Variants in ERBB4 observed in about 807,000 individuals in gnomAD.
ERBB4 encodes receptor tyrosine-protein kinase erbB-4.
Under a neutral mutation model 158.0 loss-of-function variants are expected in ERBB4, and 42 were observed. The ratio of observed to expected loss-of-function variants is 0.27; its 90% CI spans 0.21 to 0.34. The LOEUF is 0.34. ERBB4 is among the 10% of genes least tolerant of loss of function. The pLI, the probability that ERBB4 is intolerant of heterozygous loss-of-function variation, is 1.00. For missense variants in ERBB4, 1,333 were observed against 1,624.1 expected (o/e 0.82, Z 3.08); for synonymous variants, 583 against 558.7 (o/e 1.04, Z -0.61).
intron 1 of ERBB4, among the ~76,000 whole-genome samples, chr2:212,531,037 T>C (rs1560569297): frequency 6.6e-6 from 1 of 152,326 alleles, no homozygotes; most frequent in Non-Finnish European, 1.5e-5. Context: ...CAGTAACCCC[T>C]ACAATATTGG....
chr2:212,329,358 TAC>T (rs547303397), intron 1 of ERBB4, among the ~76,000 whole-genome samples: 44 of 152,222 alleles, frequency 2.9e-4, no homozygotes, highest in African/African-American at 1.0e-3. Context: ...TTTTAGCTTT[TAC>T]ACACAGTCAT....
At chr2:211,915,161 T>C (rs899270600) in intron 3 of ERBB4, among the ~76,000 whole-genome samples, 1 of 152,144 alleles carries the variant, frequency 6.6e-6, no homozygotes, top group Non-Finnish European at 1.5e-5. Flanking sequence ...CAAATAGTAA[T>C]AATTCTTTCT....
At chr2:212,163,685 G>T (rs1036528710) in intron 1 of ERBB4, among the ~76,000 whole-genome samples, 1 of 151,842 alleles carries the variant, frequency 6.6e-6, no homozygotes, top group East Asian at 1.9e-4. Context: ...ACCATTAAAA[G>T]CCAGTTATAC....
intron 1 of ERBB4, among the ~76,000 whole-genome samples, chr2:212,463,586 G>C (rs948056547): frequency 6.6e-6 from 1 of 151,706 alleles, no homozygotes; most frequent in East Asian, 1.9e-4. Flanking sequence ...ATTTATACCT[G>C]AAAAGGCTTA....
At chr2:212,281,151 C>T (rs762040260) in intron 1 of ERBB4, among the ~76,000 whole-genome samples, 2 of 151,452 alleles carry the variant, frequency 1.3e-5, no homozygotes, top group African/African-American at 2.4e-5. Flanking sequence ...CTTCTGAAAC[C>T]GTCACAGATC....
At chr2:211,940,824 A>G (rs2080473504) in intron 3 of ERBB4, among the ~76,000 whole-genome samples, 1 of 152,074 alleles carries the variant, frequency 6.6e-6, no homozygotes, top group Non-Finnish European at 1.5e-5. Flanking sequence ...GATTCTTGGT[A>G]CAGCAGGAGG....
chr2:212,436,990 A>G (rs985861353), intron 1 of ERBB4, among the ~76,000 whole-genome samples: 1 of 152,124 alleles, frequency 6.6e-6, no homozygotes, highest in African/African-American at 2.4e-5. Context: ...ATTTTAGTAC[A>G]AGCAAGAGAG....
Position 211,721,443 on chromosome 2 carries a change from C to CAAAAAAAAAAAAAA in ERBB4, c.883+936_883+949dup, listed in dbSNP as rs71054136. On this transcript the variant is annotated intron_variant, in intron 7 of 27. Coordinates refer to ENST00000342788, the MANE Select transcript of ERBB4 (RefSeq NM_005235.3). ...GAAATGTCCCATTGGTTACTCAAAG[C>CAAAAAAAAAAAAAA]AAAAAAAAAAAAAAAAAAAAAATAG... Among the ~76,000 whole-genome samples the CAAAAAAAAAAAAAA allele has an allele frequency of 3.7e-3, 202 of 54,486 alleles. 56 individuals are homozygous for CAAAAAAAAAAAAAA. The highest frequency in any genetic ancestry group is 0.013 in the African/African-American group (132 of 10,534). 35.7% of individuals were successfully genotyped at this position (54,486 alleles called of 152,430 possible).
chr2:211,929,491 C>T (rs754136351), intron 3 of ERBB4, among the ~76,000 whole-genome samples: 16 of 152,048 alleles, frequency 1.1e-4, no homozygotes, highest in Non-Finnish European at 1.9e-4. Context: ...ATGTTCTCCC[C>T]ATGTGATGCC....
At chr2:212,270,975 A>C (rs2085319638) in intron 1 of ERBB4, among the ~76,000 whole-genome samples, 1 of 151,810 alleles carries the variant, frequency 6.6e-6, no homozygotes, top group Non-Finnish European at 1.5e-5. Flanking sequence ...CCAGAGAATG[A>C]GATAAAATTC....
intron 2 of ERBB4, among the ~76,000 whole-genome samples, chr2:212,080,306 C>T (rs745941044): frequency 1.1e-4 from 17 of 148,494 alleles, no homozygotes; most frequent in Non-Finnish European, 2.2e-4. Context: ...AGCCAGACTC[C>T]GTCTCAAAAA....
chr2:211,750,077 T>C (rs2075086130), intron 5 of ERBB4, among the ~76,000 whole-genome samples: 1 of 152,182 alleles, frequency 6.6e-6, no homozygotes, highest in Non-Finnish European at 1.5e-5. Context: ...GCAATGATGA[T>C]AGCTTCATAT....
At chr2:211,606,436 G>A (rs1376303403) in intron 19 of ERBB4, among the ~76,000 whole-genome samples, 1 of 55,234 alleles carries the variant, frequency 1.8e-5, no homozygotes, top group African/African-American at 5.1e-5. Flanking sequence ...AAAGGAATAT[G>A]GATTTGGAAA....
chr2:212,191,886 C>CAT (rs3038242), intron 1 of ERBB4, among the ~76,000 whole-genome samples: 140,147 of 141,236 alleles, frequency 0.99, 69,549 homozygotes, highest in Admixed American at 1. Context: ...ACATATGTTA[C>CAT]ATGTTATATA....
At chr2:212,319,630 G>T (rs16848343) in intron 1 of ERBB4, among the ~76,000 whole-genome samples, 1 of 149,792 alleles carries the variant, frequency 6.7e-6, no homozygotes, top group African/African-American at 2.4e-5. Flanking sequence ...TTTGTTACAG[G>T]AAACTTTGAA....
chr2:212,139,615 T>TTATG (rs199709060), intron 1 of ERBB4, among the ~76,000 whole-genome samples: 4,314 of 152,080 alleles, frequency 0.028, 141 homozygotes, highest in African/African-American at 0.078. Flanking sequence ...ACGTTTTAAA[T>TTATG]TAATACTTGC....
intron 1 of ERBB4, among the ~76,000 whole-genome samples, chr2:212,327,656 G>GT (rs1208957488): frequency 6.6e-6 from 1 of 151,580 alleles, no homozygotes; most frequent in Non-Finnish European, 1.5e-5. Flanking sequence ...GTAACTGCAA[G>GT]TGGGCACAAG....
rs2085161198 is a variant in ERBB4 at position 212,267,041 on chromosome 2, G to A, written c.83-142138C>T. Among the ~76,000 whole-genome samples the A allele has an allele frequency of 3.9e-5, 6 of 152,066 alleles. No homozygotes were observed. The South Asian group carries it at 1.2e-3, about 32-fold the overall frequency. On this transcript the variant is annotated intron_variant, in intron 1 of 27. Transcript: ENST00000342788. ...AGCAGATAAACAAATGCCTAAATATGTAGTGTAGATCATTAAATGCTACTC... is the reference window on the plus strand; with the variant it reads ...AGCAGATAAACAAATGCCTAAATATATAGTGTAGATCATTAAATGCTACTC...
At chr2:212,475,772 G>T (rs1293125046) in intron 1 of ERBB4, among the ~76,000 whole-genome samples, 1 of 151,548 alleles carries the variant, frequency 6.6e-6, no homozygotes, top group Non-Finnish European at 1.5e-5. Context: ...AAGTTATTGG[G>T]GTTTTATTTT....
Sources: allele counts gnomAD v4.1 joint callset (sites outside exome capture counted in the v4.1 genomes callset), GRCh38; gene constraint gnomAD v4.1.1; transcripts MANE v1.5; gene names NCBI Gene and HGNC (gene_info 2026-07-23, HGNC 2026-07-21).